Variants in NAV1 observed in about 807,000 individuals in gnomAD.
NAV1 encodes neuron navigator 1, also known as pore membrane and/or filament interacting like protein 3.
NAV1 carries 18 observed loss-of-function variants against 175.2 expected under a neutral mutation model. The ratio of observed to expected loss-of-function variants is 0.10; its 90% CI spans 0.07 to 0.15. The LOEUF is 0.15. Ranked by LOEUF, NAV1 falls within the 10% of genes least tolerant of loss-of-function variation. The pLI is 1.00. For synonymous variants in NAV1, 897 were observed against 978.7 expected, an observed-to-expected ratio of 0.92 and a Z score of 1.56; for missense variants, 1,731 against 2,436.6, an observed-to-expected ratio of 0.71 and a Z score of 6.10.
At chr1:201,655,206 C>G (rs1339925631) in intron 1 of NAV1, among the ~76,000 whole-genome samples, 1 of 152,188 alleles carries the variant, frequency 6.6e-6, no homozygotes, top group Admixed American at 6.5e-5. Flanking sequence ...TACCGGGGAC[C>G]CACAGCACCT....
intron 1 of NAV1, among the ~76,000 whole-genome samples, chr1:201,702,099 G>A (rs115973861): frequency 0.019 from 2,876 of 152,272 alleles, 94 homozygotes; most frequent in African/African-American, 0.066. Context: ...CCTTGAGAAC[G>A]TTGTGCTAAG....
chr1:201,810,569 C>A lies in NAV1; in HGVS notation c.4608C>A (p.Ile1536=). 6.2e-7 allele frequency: 1 copy of A among 1,613,760 alleles called. No individual in the cohort carries two copies. The highest frequency in any genetic ancestry group is 8.5e-7 in the Non-Finnish European group (1 of 1,179,822). The change falls in exon 24 of 30, where the codon ATC becomes ATA. Residue 1536 remains isoleucine, a synonymous_variant. Coordinates refer to ENST00000367296, the Ensembl canonical transcript of NAV1. The surrounding 1 kb of genome is among the most constrained non-coding windows in gnomAD (Gnocchi z 6.0). ...ACAGCCTGGTGTTCGAGACGCTGAT[C>A]CCCAAGCCGATGATGCAGCACTACA...
chr1:201,594,714 G>A (rs1020239525), intron 2 of NAV1, among the ~76,000 whole-genome samples: 7 of 152,330 alleles, frequency 4.6e-5, no homozygotes, highest in Admixed American at 1.3e-4. Flanking sequence ...GGGGTTTACG[G>A]GGAGCTGGCC....
intron 1 of NAV1, among the ~76,000 whole-genome samples, chr1:201,696,595 A>G (rs1190417886): frequency 1.3e-5 from 2 of 152,180 alleles, no homozygotes; most frequent in Non-Finnish European, 2.9e-5. Context: ...GCAGTTCTGT[A>G]TCTCATTCAT....
At chr1:201,712,701 T>C in intron 1 of NAV1, 116 bp from the exon 6 acceptor site, 2 of 719,160 alleles carry the variant, frequency 2.8e-6, no homozygotes, top group Non-Finnish European at 5.1e-6. Flanking sequence ...GGAAGGTGAC[T>C]ATCATGGCCC....
chr1:201,782,259 C>T lies in NAV1; in HGVS notation c.1747C>T (p.Arg583Trp), dbSNP rs1369016564. 19 of 1,613,992 alleles carry T rather than the reference C, an allele frequency of 1.2e-5. No homozygotes were observed. Among genetic ancestry groups the T allele is most frequent in the African/African-American group, 2.7e-5 (2 of 74,906 alleles). Residue 583 changes from arginine to tryptophan, a missense_variant, in exon 6 of 30, where the codon CGG becomes TGG. Physicochemically the swap from Arg to Trp is moderately radical, Grantham distance 101. Coordinates refer to ENST00000367296, the Ensembl canonical transcript of NAV1. The surrounding 1 kb of genome is among the most constrained non-coding windows in gnomAD (Gnocchi z 5.4). ...CCAACGCTCCTCCTCTGATGCTGGT[C>T]GGGACCGCCTGAGTGATGCTAAGAA...
intron 1 of NAV1, among the ~76,000 whole-genome samples, chr1:201,561,745 T>C (rs1666205912): frequency 6.6e-6 from 1 of 152,166 alleles, no homozygotes; most frequent in Admixed American, 6.5e-5. Context: ...AAGGCTGTGT[T>C]TGGCTGTGTT....
intron 1 of NAV1, among the ~76,000 whole-genome samples, chr1:201,684,022 A>T (rs622660): frequency 0.067 from 10,153 of 151,938 alleles, 541 homozygotes; most frequent in African/African-American, 0.14. Flanking sequence ...TACATTTTTT[A>T]TTTTGTTTTC....
chr1:201,642,115 T>C (rs757012751), intron 2 of NAV1, among the ~76,000 whole-genome samples: 7 of 149,066 alleles, frequency 4.7e-5, no homozygotes, highest in Non-Finnish European at 8.9e-5. Context: ...TCTTTCTTTC[T>C]TCCCTTTCTT....
At chr1:201,799,176 C>CTCTGTG (rs1677672467) in intron 15 of NAV1, among the ~76,000 whole-genome samples, 1 of 150,592 alleles carries the variant, frequency 6.6e-6, no homozygotes, top group Non-Finnish European at 1.5e-5. Flanking sequence ...GTTCAAGAAA[C>CTCTGTG]TGTGTGTGTG....
rs1020082113 is a variant in NAV1, at chr1:201,539,258, G to T, written c.-228G>T. 1.3e-5 allele frequency among the ~76,000 whole-genome samples: 2 copies of T among 152,116 alleles called. No homozygotes were observed. The highest frequency in any genetic ancestry group is 4.8e-5 in the African/African-American group (2 of 41,444). Reference sequence around the variant, plus strand: ...GGAAACTTTGTGCTCGCGAGAAGCGGACCCCGCACCCGCGCTGCCCTTGGG... The same window carrying T: ...GGAAACTTTGTGCTCGCGAGAAGCGTACCCCGCACCCGCGCTGCCCTTGGG... On this transcript the variant is annotated 5_prime_UTR_variant, in exon 1 of 34. Transcript: ENST00000685211. The surrounding 1 kb of genome is among the most constrained non-coding windows in gnomAD (Gnocchi z 5.6).
At chr1:201,580,851 G>A (rs1016516230) in intron 1 of NAV1, among the ~76,000 whole-genome samples, 16 of 152,194 alleles carry the variant, frequency 1.1e-4, no homozygotes, top group African/African-American at 3.9e-4. Context: ...GATGGGGTTG[G>A]GGGAAGAATG....
Position 201,775,313 on chromosome 1 carries a change from C to T in NAV1, c.1227-5108C>T, listed in dbSNP as rs80052582. ...TTTGCATATTGAATGTTGAAAGCTC[C>T]AGGCTCTTCTCTAACTCAGCTCGTA... On this transcript the variant is annotated intron_variant, in intron 3 of 29. Coordinates refer to ENST00000367296, the Ensembl canonical transcript of NAV1. Among the ~76,000 whole-genome samples, 719 of 152,294 alleles carry T rather than the reference C, an allele frequency of 4.7e-3. 2 individuals are homozygous for T. The highest frequency in any genetic ancestry group is 0.029 in the East Asian group (152 of 5,180).
intron 3 of NAV1, among the ~76,000 whole-genome samples, chr1:201,734,285 G>A (rs1186992408): frequency 6.6e-6 from 1 of 151,684 alleles, no homozygotes; most frequent in Non-Finnish European, 1.5e-5. Context: ...GCTTGCACCT[G>A]TGGTCCCAGC....
At position 201,578,447 on chromosome 1, in the gene NAV1, G is replaced by A. The variant is rs189230334; in HGVS notation, c.-143-10092G>A. On this transcript the variant is annotated intron_variant, in intron 1 of 33. Coordinates refer to the NAV1 transcript ENST00000685211. Reference sequence around the variant, plus strand: ...CTGAGCTGAGGGTGGCTTATCTCTGGGTAATGATGAAAGTTCTGTCTCTCC... The same window carrying A: ...CTGAGCTGAGGGTGGCTTATCTCTGAGTAATGATGAAAGTTCTGTCTCTCC... Among the ~76,000 whole-genome samples the A allele has an allele frequency of 1.9e-3, 289 of 152,254 alleles. 1 individual carries two copies. The highest frequency in any genetic ancestry group is 6.5e-3 in the African/African-American group (270 of 41,538).
At chr1:201,647,225 A>G (rs999747547), upstream of NAV1, among the ~76,000 whole-genome samples, 6 of 152,206 alleles carry the variant, frequency 3.9e-5, no homozygotes, top group Non-Finnish European at 8.8e-5. Context: ...CTACTGAGGT[A>G]CAGTCCTAGG....
chr1:201,738,015 A>G (rs1428417952), intron 3 of NAV1, among the ~76,000 whole-genome samples: 2 of 152,148 alleles, frequency 1.3e-5, no homozygotes, highest in Non-Finnish European at 1.5e-5. Context: ...TGGGAGGCTC[A>G]GGACATTACC....
chr1:201,698,515 C>A (rs1671282699), intron 1 of NAV1, among the ~76,000 whole-genome samples: 1 of 152,216 alleles, frequency 6.6e-6, no homozygotes, highest in Non-Finnish European at 1.5e-5. Context: ...TGATGTGTCT[C>A]CCATTTGAAA....
At chr1:201,628,978 T>G (rs1317952657) in intron 1 of NAV1, among the ~76,000 whole-genome samples, 2 of 152,172 alleles carry the variant, frequency 1.3e-5, no homozygotes, top group Non-Finnish European at 2.9e-5. Flanking sequence ...AATCAGTGAC[T>G]TCAGCTTCAG....
Sources: gnomAD v4.1 joint callset for allele counts (sites outside exome capture counted in the v4.1 genomes callset) on GRCh38, gnomAD v4.1.1 for gene constraint, Gnocchi (gnomAD v3.1) non-coding constraint, MANE v1.5 for transcripts, NCBI Gene and HGNC (gene_info 2026-07-23, HGNC 2026-07-21) for gene names.